WDFY3: variants seen among roughly 807,000 people sequenced by gnomAD.
WDFY3 encodes WD repeat and FYVE domain-containing protein 3.
WDFY3 carries 66 observed loss-of-function variants against 409.6 expected under a neutral mutation model. That is an observed-to-expected ratio of 0.16 (90% CI 0.13 to 0.20). WDFY3 has a LOEUF of 0.20. Ranked by LOEUF, WDFY3 falls within the 10% of genes least tolerant of loss-of-function variation. The probability of loss-of-function intolerance (pLI) is 1.00; values close to 1 mark genes in which losing one functional copy is unlikely to be tolerated. For synonymous variants in WDFY3, 1,521 were observed against 1,537.1 expected, an observed-to-expected ratio of 0.99 and a Z score of 0.25; for missense variants, 3,031 against 4,298.1, an observed-to-expected ratio of 0.71 and a Z score of 8.24.
intron 37 of WDFY3, 91 bp downstream of exon 37, chr4:84,743,609 G>T: frequency 1.0e-6 from 1 of 971,204 alleles, no homozygotes; most frequent in Non-Finnish European, 1.4e-6. Flanking sequence ...AAAAAGGAAA[G>T]AAAAAAGCTG....
At chr4:84,702,819 G>C (rs953949795) in intron 55 of WDFY3, among the ~76,000 whole-genome samples, 2 of 152,160 alleles carry the variant, frequency 1.3e-5, no homozygotes, top group African/African-American at 4.8e-5. Flanking sequence ...AGTTCTGGCC[G>C]GGCGCGGCGG....
At chr4:84,881,365 A>C (rs994450626) in intron 3 of WDFY3, among the ~76,000 whole-genome samples, 1 of 152,184 alleles carries the variant, frequency 6.6e-6, no homozygotes, top group African/African-American at 2.4e-5. Flanking sequence ...AATATACCAT[A>C]AAGATAAACA....
intron 29 of WDFY3, 106 bp from the exon 30 acceptor site, chr4:84,773,035 C>CT (rs371430227): frequency 0.094 from 53,001 of 566,240 alleles, no homozygotes; most frequent in South Asian, 0.13. Context: ...CAAAACAGTA[C>CT]TTTTTTTTTT....
chr4:84,882,725 T>C (rs1475488236), intron 3 of WDFY3, among the ~76,000 whole-genome samples: 1 of 152,020 alleles, frequency 6.6e-6, no homozygotes, highest in Non-Finnish European at 1.5e-5. Flanking sequence ...TATATTTTTT[T>C]TTTTTTTGAG....
intron 7 of WDFY3, among the ~76,000 whole-genome samples, chr4:84,832,432 T>C (rs1339058010): frequency 6.6e-6 from 1 of 152,136 alleles, no homozygotes; most frequent in African/African-American, 2.4e-5. Flanking sequence ...AGAGTGAATA[T>C]TATTAAAAAA....
chr4:84,933,463 G>A (rs1421170170), intron 1 of WDFY3, among the ~76,000 whole-genome samples: 1 of 151,760 alleles, frequency 6.6e-6, no homozygotes, highest in Non-Finnish European at 1.5e-5. Flanking sequence ...TTTTAATACA[G>A]GCATACAATG....
intron 1 of WDFY3, among the ~76,000 whole-genome samples, chr4:84,934,972 C>T (rs1022474121): frequency 2.0e-5 from 3 of 152,114 alleles, no homozygotes; most frequent in African/African-American, 4.8e-5. Context: ...AAAATCTATC[C>T]TCCTGTCTTG....
In WDFY3 at chr4:84,831,384, A is replaced by T. The variant is rs754516536; in HGVS notation, c.769+29T>A. Reference sequence around the variant, plus strand: ...ATGAAGAAAAGTGGAAGAAATTTAGAACACTTAAATATATAAAGAGATATT... The same window carrying T: ...ATGAAGAAAAGTGGAAGAAATTTAGTACACTTAAATATATAAAGAGATATT... On this transcript the variant is annotated intron_variant, in intron 8 of 67. Coordinates refer to ENST00000295888, the MANE Select transcript of WDFY3 (RefSeq NM_014991.6). 13 of 1,404,964 alleles carry T rather than the reference A, an allele frequency of 9.3e-6. No homozygotes were observed. The African/African-American group carries it at 1.9e-4, about 21-fold the overall frequency. 87.0% of individuals were successfully genotyped at this position (1,404,964 alleles called of 1,614,324 possible).
chr4:84,817,615 G>A (rs1578660199), intron 12 of WDFY3, 30 bp from the exon 13 acceptor site: 3 of 1,557,510 alleles, frequency 1.9e-6, no homozygotes, highest in East Asian at 2.3e-5. Context: ...GTCCAACAAT[G>A]GCTACTTTAA....
intron 44 of WDFY3, among the ~76,000 whole-genome samples, chr4:84,731,388 C>A (rs1313185563): frequency 6.6e-6 from 1 of 152,038 alleles, no homozygotes; most frequent in Non-Finnish European, 1.5e-5. Context: ...CTACTAAAAC[C>A]AAAATAAAAA....
intron 1 of WDFY3, among the ~76,000 whole-genome samples, chr4:84,939,709 G>C (rs1350049733): frequency 6.6e-6 from 1 of 151,478 alleles, no homozygotes; most frequent in South Asian, 2.1e-4. Flanking sequence ...GGCTTCTTGT[G>C]ACATGTTCTT....
chr4:84,839,139 C>A (rs1327545560), intron 6 of WDFY3, among the ~76,000 whole-genome samples: 2 of 151,970 alleles, frequency 1.3e-5, no homozygotes, highest in Non-Finnish European at 2.9e-5. Flanking sequence ...TATAACTTGG[C>A]ATCTAAACTT....
intron 44 of WDFY3, among the ~76,000 whole-genome samples, chr4:84,729,545 T>C (rs1414813209): frequency 6.6e-6 from 1 of 151,984 alleles, no homozygotes; most frequent in Non-Finnish European, 1.5e-5. Context: ...ATTAACGCTT[T>C]AAAGTCTGAA....
intron 32 of WDFY3, among the ~76,000 whole-genome samples, chr4:84,757,853 T>C (rs1209957552): frequency 6.6e-6 from 1 of 152,182 alleles, no homozygotes; most frequent in Non-Finnish European, 1.5e-5. Context: ...ACTAAATGAG[T>C]AAGTAAAACA....
Position 84,741,845 on chromosome 4 carries a change from C to T in WDFY3, c.6150G>A (p.Gln2050=), listed in dbSNP as rs2149233251. Residue 2050 remains glutamine, a synonymous_variant, in exon 38 of 68, where the codon CAG becomes CAA. Transcript: ENST00000295888. The stretch of plus-strand genomic sequence containing the variant: ...CTTGCCAAAGCTTGTCCACCACACG[C>T]TGTGTGAAATAAAACACATTGTTCA... The part of the protein sequence containing the change: ...VLVNNVFYFT[Q]RVVDKLWQGM... 1 of 1,613,406 alleles carries T rather than the reference C, an allele frequency of 6.2e-7. No individual in the cohort carries two copies. Among genetic ancestry groups the T allele is most frequent in the East Asian group, 2.2e-5 (1 of 44,852 alleles).
Position 84,769,377 on chromosome 4 carries a change from T to C in WDFY3, c.4850-3005A>G, listed in dbSNP as rs1744229489. ...CTTTTGTGAAAGGAAGAGTCCATTGTTATAGCTAACTATATTGTCTTTTTT... is the reference window on the plus strand; with the variant it reads ...CTTTTGTGAAAGGAAGAGTCCATTGCTATAGCTAACTATATTGTCTTTTTT... On this transcript the variant is annotated intron_variant, in intron 30 of 67. Coordinates refer to ENST00000295888, the MANE Select transcript of WDFY3 (RefSeq NM_014991.6). Among the ~76,000 whole-genome samples the C allele has an allele frequency of 2.6e-5, 4 of 152,152 alleles. No individual in the cohort carries two copies. In the South Asian group the frequency reaches 8.3e-4, roughly 31 times the overall value.
chr4:84,745,485 A>C (rs1372223833), intron 36 of WDFY3, among the ~76,000 whole-genome samples: 1 of 152,196 alleles, frequency 6.6e-6, no homozygotes, highest in African/African-American at 2.4e-5. Flanking sequence ...GGTCCTATTA[A>C]ATGTTTTAAG....
chr4:84,825,613 C>G (rs1754753583), intron 10 of WDFY3, among the ~76,000 whole-genome samples: 1 of 152,080 alleles, frequency 6.6e-6, no homozygotes, highest in Non-Finnish European at 1.5e-5. Flanking sequence ...AGGTTCTAAA[C>G]AACTTATGTA....
chr4:84,769,630 G>A (rs1429489280), intron 30 of WDFY3, among the ~76,000 whole-genome samples: 2 of 151,972 alleles, frequency 1.3e-5, no homozygotes, highest in Non-Finnish European at 2.9e-5. Context: ...CACCATGTTA[G>A]CCAGGATGGT....
Sources: gnomAD v4.1 joint callset for allele counts (sites outside exome capture counted in the v4.1 genomes callset) on GRCh38, gnomAD v4.1.1 for gene constraint, MANE v1.5 for transcripts, NCBI Gene and HGNC (gene_info 2026-07-23, HGNC 2026-07-21) for gene names.